Variants in GRIK1 observed in about 807,000 individuals in gnomAD.
GRIK1 encodes the protein glutamate ionotropic receptor kainate type subunit 1, also known as glutamate receptor ionotropic, kainate 1.
Under a neutral mutation model 105.7 loss-of-function variants are expected in GRIK1, and 69 were observed. The ratio of observed to expected loss-of-function variants is 0.65; its 90% confidence interval spans 0.54 to 0.80. The LOEUF (loss-of-function observed/expected upper bound fraction) is 0.80. Among genes scored for constraint, GRIK1 ranks in the 30% least tolerant of loss-of-function variants. GRIK1 has a pLI of 0.00. For missense variants in GRIK1, 1,109 were observed against 1,167.3 expected, an observed-to-expected ratio of 0.95 and a Z score of 0.73; for synonymous variants, 438 against 431.3, an observed-to-expected ratio of 1.02 and a Z score of -0.19.
At chr21:29,869,185 G>C (rs1214736255) in intron 1 of GRIK1, among the ~76,000 whole-genome samples, 1 of 151,958 alleles carries the variant, frequency 6.6e-6, no homozygotes, top group East Asian at 1.9e-4. Flanking sequence ...GTCCACTAAA[G>C]TTTCTCTACA....
intron 1 of GRIK1, among the ~76,000 whole-genome samples, chr21:29,788,361 G>A (rs1238806737): frequency 2.6e-5 from 4 of 152,202 alleles, no homozygotes; most frequent in African/African-American, 9.7e-5. Flanking sequence ...CATTCAGGCA[G>A]AGGATGAGCA....
chr21:29,614,402 CTTTTTTTTTTTTT>C (rs35063316), intron 7 of GRIK1, among the ~76,000 whole-genome samples: 23 of 83,088 alleles, frequency 2.8e-4, no homozygotes, highest in African/African-American at 7.4e-4. Flanking sequence ...TAAAATCCCT[CTTTTTTTTTTTTT>C]TTTTTTTTTT....
At chr21:29,649,892 T>C (rs1371957093) in intron 6 of GRIK1, among the ~76,000 whole-genome samples, 1 of 152,190 alleles carries the variant, frequency 6.6e-6, no homozygotes, top group African/African-American at 2.4e-5. Flanking sequence ...TTTCGAACCA[T>C]ATTTGAACTC....
At chr21:29,891,309 A>G (rs2069889844) in intron 1 of GRIK1, among the ~76,000 whole-genome samples, 1 of 152,202 alleles carries the variant, frequency 6.6e-6, no homozygotes, top group African/African-American at 2.4e-5. Flanking sequence ...CGCAAATATC[A>G]TACATAAAAT....
At chr21:29,594,242 C>A (rs1190706899) in intron 9 of GRIK1, among the ~76,000 whole-genome samples, 1 of 151,856 alleles carries the variant, frequency 6.6e-6, no homozygotes, top group Non-Finnish European at 1.5e-5. Context: ...TCTTTTAAAC[C>A]CAAGTAGTCA....
intron 1 of GRIK1, among the ~76,000 whole-genome samples, chr21:29,919,377 G>A (rs962359146): frequency 1.3e-5 from 2 of 152,108 alleles, no homozygotes; most frequent in Non-Finnish European, 2.9e-5. Context: ...GCGGAAGCAT[G>A]GTTTGAGTGA....
intron 3 of GRIK1, among the ~76,000 whole-genome samples, chr21:29,686,428 A>G (rs2063487720): frequency 6.6e-6 from 1 of 152,232 alleles, no homozygotes; most frequent in Non-Finnish European, 1.5e-5. Flanking sequence ...AAAGAAGGGC[A>G]TGAAAACCCA....
chr21:29,542,383 T>TTA (rs3831439), intron 16 of GRIK1, among the ~76,000 whole-genome samples: 108,997 of 151,870 alleles, frequency 0.72, 39,488 homozygotes, highest in Admixed American at 0.81. Flanking sequence ...TGAATATAAA[T>TTA]TATATCTTCT....
At chr21:29,916,036 T>A (rs1010891347) in intron 1 of GRIK1, among the ~76,000 whole-genome samples, 1 of 151,980 alleles carries the variant, frequency 6.6e-6, no homozygotes, top group Non-Finnish European at 1.5e-5. Flanking sequence ...AAGGCCAAGG[T>A]GAACTACAAA....
chr21:29,919,066 C>T (rs1010715665), intron 1 of GRIK1, among the ~76,000 whole-genome samples: 1 of 151,910 alleles, frequency 6.6e-6, no homozygotes, highest in Non-Finnish European at 1.5e-5. Flanking sequence ...ACTGAGACAT[C>T]TGCAGCTTTA....
chr21:29,856,450 G>A (rs1025343455), intron 1 of GRIK1, among the ~76,000 whole-genome samples: 2 of 152,178 alleles, frequency 1.3e-5, no homozygotes, highest in Non-Finnish European at 2.9e-5. Flanking sequence ...AATGCCCCTT[G>A]TGTGTTGTGA....
At chr21:29,660,200 C>G (rs537205615) in intron 4 of GRIK1, among the ~76,000 whole-genome samples, 75 of 152,220 alleles carry the variant, frequency 4.9e-4, no homozygotes, top group African/African-American at 1.7e-3. Flanking sequence ...TTAGTCTAGC[C>G]TAGTTGTTCT....
At chr21:29,654,041 A>G (rs903931486) in intron 5 of GRIK1, among the ~76,000 whole-genome samples, 2 of 152,150 alleles carry the variant, frequency 1.3e-5, no homozygotes, top group Non-Finnish European at 2.9e-5. Context: ...CCCCCCCAGA[A>G]TCCAGGTCAA....
At chr21:29,918,697 T>C (rs966473400) in intron 1 of GRIK1, among the ~76,000 whole-genome samples, 3 of 152,108 alleles carry the variant, frequency 2.0e-5, no homozygotes, top group African/African-American at 7.2e-5. Context: ...AATAAATAAA[T>C]GTTCAGAAAC....
chr21:29,800,962 C>T (rs532208343), intron 1 of GRIK1, among the ~76,000 whole-genome samples: 2 of 152,176 alleles, frequency 1.3e-5, no homozygotes, highest in African/African-American at 4.8e-5. Flanking sequence ...CCAAAGCCAG[C>T]AACTGGTTTA....
intron 1 of GRIK1, among the ~76,000 whole-genome samples, chr21:29,733,608 A>G (rs887238968): frequency 2.6e-5 from 4 of 152,116 alleles, no homozygotes; most frequent in East Asian, 1.9e-4. Context: ...TTTTAGCTTC[A>G]GCACTTGACA....
At chr21:29,845,824 G>T (rs1389635194) in intron 1 of GRIK1, among the ~76,000 whole-genome samples, 2 of 152,098 alleles carry the variant, frequency 1.3e-5, no homozygotes, top group Non-Finnish European at 2.9e-5. Flanking sequence ...ATTGGGTGTG[G>T]AGGGGAAGCA....
intron 16 of GRIK1, among the ~76,000 whole-genome samples, chr21:29,539,153 A>G (rs2089929863): frequency 6.6e-6 from 1 of 152,170 alleles, no homozygotes; most frequent in Non-Finnish European, 1.5e-5. Context: ...CCACACAAAG[A>G]AAAACGTCAG....
rs1366586031 is a variant in GRIK1 at position 29,939,753 on chromosome 21, C to G, written c.-253G>C. 2.7e-6 allele frequency: 1 copy of G among 367,152 alleles called. No individual in the cohort carries two copies. The allele number at this position is 367,152 out of a possible 1,614,324, so 22.7% of individuals were successfully genotyped here. On this transcript the variant is annotated 5_prime_UTR_variant, in exon 1 of 18. Coordinates refer to ENST00000327783, the MANE Select transcript of GRIK1 (RefSeq NM_001330994.2). ...CTCCTCCTCCTCCTCTTCCATGGGC[C>G]GCAGACCGCGGAGGATCAGCGCTCT... is the stretch of plus-strand genomic sequence containing the variant.
Sources: allele counts gnomAD v4.1 joint callset (sites outside exome capture counted in the v4.1 genomes callset), GRCh38; gene constraint gnomAD v4.1.1; transcripts MANE v1.5; gene names NCBI Gene and HGNC (gene_info 2026-07-23, HGNC 2026-07-21).